Variants in IL23R observed in about 807,000 individuals in gnomAD.
IL23R encodes interleukin-23 receptor.
Under a neutral mutation model 56.9 loss-of-function variants are expected in IL23R, and 34 were observed. The ratio of observed to expected loss-of-function variants is 0.60; its 90% CI spans 0.45 to 0.80. IL23R has a LOEUF of 0.80. IL23R is among the 30% of genes least tolerant of loss of function. The pLI is 0.00. For missense variants in IL23R, 635 were observed against 730.0 expected (o/e 0.87, Z 1.50); for synonymous variants, 230 against 249.2 (o/e 0.92, Z 0.73).
At chr1:67,190,442 A>AC (rs1647657493) in intron 4 of IL23R, among the ~76,000 whole-genome samples, 3 of 97,144 alleles carry the variant, frequency 3.1e-5, no homozygotes, top group African/African-American at 4.4e-5. Flanking sequence ...GAAAAAAAAA[A>AC]ACCAAAAAAA....
At chr1:67,222,102 C>CTTTCTTTT (rs1440089182) in intron 7 of IL23R, among the ~76,000 whole-genome samples, 1 of 58,890 alleles carries the variant, frequency 1.7e-5, no homozygotes, top group African/African-American at 6.3e-5. Context: ...TTCTTTCTTT[C>CTTTCTTTT]TTTTTTTTTT....
chr1:67,201,407 TAA>T (rs58091786), intron 5 of IL23R, among the ~76,000 whole-genome samples: 23 of 132,502 alleles, frequency 1.7e-4, no homozygotes, highest in Non-Finnish European at 2.1e-4. Context: ...AACTCTTGTC[TAA>T]AAAAAAAAAA....
At chr1:67,217,710 G>A (rs922007743) in intron 6 of IL23R, among the ~76,000 whole-genome samples, 1 of 146,460 alleles carries the variant, frequency 6.8e-6, no homozygotes, top group Non-Finnish European at 1.5e-5. Flanking sequence ...TTCATGCAGA[G>A]TTTGAAAAAT....
Position 67,236,746 on chromosome 1 carries a change from A to G in IL23R, c.989A>G (p.Asp330Gly), listed in dbSNP as rs765691329. ...GTCACATCAAAAGCATTCCAACATG[A>G]CACATGGAATTCTGGGCTAACAGTT... ...PQVTSKAFQH[D>G]TWNSGLTVAS... is the part of the protein sequence containing the mutation. Residue 330 changes from aspartate to glycine, a missense_variant, in exon 8 of 11, where the codon GAC becomes GGC. By Grantham distance (94) the Asp-to-Gly change is moderately conservative. Transcript: ENST00000347310. 6 of 1,613,634 alleles carry G rather than the reference A, an allele frequency of 3.7e-6. No individual in the cohort carries two copies. Among genetic ancestry groups the G allele is most frequent in the Non-Finnish European group, 5.1e-6 (6 of 1,179,540 alleles).
chr1:67,157,189 C>T (rs970810858), intron 1 of IL23R, among the ~76,000 whole-genome samples: 3 of 152,170 alleles, frequency 2.0e-5, no homozygotes, highest in African/African-American at 4.8e-5. Context: ...AGAAATCACC[C>T]GCCTTCTGCA....
chr1:67,245,933 C>T (rs959931236), intron 9 of IL23R, among the ~76,000 whole-genome samples: 1 of 152,158 alleles, frequency 6.6e-6, no homozygotes, highest in African/African-American at 2.4e-5. Flanking sequence ...GTGAATCCGT[C>T]TGGTCCTGGA....
At chr1:67,175,125 T>G (rs1646991093) in intron 3 of IL23R, among the ~76,000 whole-genome samples, 1 of 147,396 alleles carries the variant, frequency 6.8e-6, no homozygotes. Context: ...GGGGTGGGGG[T>G]GAGATTGGAG....
At position 67,169,437 on chromosome 1, in the gene IL23R, A is replaced by G. The variant is rs767092630; in HGVS notation, c.166A>G (p.Ile56Val). Residue 56 changes from isoleucine (I) to valine (V), a missense_variant, in exon 3 of 11, where the codon ATT becomes GTT. Coordinates refer to ENST00000347310, the MANE Select transcript of IL23R (RefSeq NM_144701.3). ...TATCTCTATATATTGCCAAGCAGCA[A>G]TTAAGAACTGCCAACCAAGGAAACT... is the stretch of plus-strand genomic sequence containing the variant. The part of the protein sequence containing the change: ...MNISIYCQAA[I>V]KNCQPRKLHF... 3.1e-6 allele frequency: 5 copies of G among 1,613,698 alleles called. No individual in the cohort carries two copies. The highest frequency in any genetic ancestry group is 1.6e-4 in the Middle Eastern group (1 of 6,078).
At chr1:67,156,900 G>A (rs1032324749) in intron 1 of IL23R, among the ~76,000 whole-genome samples, 6 of 152,210 alleles carry the variant, frequency 3.9e-5, no homozygotes, top group East Asian at 1.9e-4. Flanking sequence ...TCAAACAGCC[G>A]CCAAGTTTTG....
In IL23R at chr1:67,258,570, A is replaced by G. The variant is rs752352697; in HGVS notation, c.1332A>G (p.Glu444=). The change falls in exon 11 of 11, where the codon GAA becomes GAG. Residue 444 remains glutamate, a synonymous_variant. Coordinates refer to ENST00000347310, the MANE Select transcript of IL23R (RefSeq NM_144701.3). ...AGATAAAAGAAATCTTCATCCCAGA[A>G]CACAAGCCTACAGACTACAAGAAGG... is the stretch of plus-strand genomic sequence containing the variant. ...ITEIKEIFIP[E]HKPTDYKKEN... 8 of 1,612,320 alleles carry G rather than the reference A, an allele frequency of 5.0e-6. No individual in the cohort carries two copies. The highest frequency in any genetic ancestry group is 6.8e-6 in the Non-Finnish European group (8 of 1,179,426).
At chr1:67,156,683 G>A (rs1203637279) in intron 1 of IL23R, among the ~76,000 whole-genome samples, 1 of 152,146 alleles carries the variant, frequency 6.6e-6, no homozygotes, top group East Asian at 1.9e-4. Flanking sequence ...TCATCCCAAA[G>A]CAGACTCCAG....
At position 67,200,724 on chromosome 1, in the gene IL23R, TTTTTG is replaced by T. The variant is rs1558240203; in HGVS notation, c.492-8_492-4del. On this transcript the variant is annotated splice_region_variant and splice_polypyrimidine_tract_variant and intron_variant, in intron 4 of 10. Transcript: ENST00000347310. ...AAATACAATTTATGATCATCTTTTT[TTTTTG>T]TTTTAAGTTTAGAGACAGAAGAAGA... 7 of 1,611,714 alleles carry T rather than the reference TTTTTG, an allele frequency of 4.3e-6. No individual in the cohort carries two copies. Among genetic ancestry groups the T allele is most frequent in the Middle Eastern group, 1.7e-4 (1 of 6,052 alleles).
chr1:67,222,608 C>T (rs1650368995), intron 7 of IL23R, among the ~76,000 whole-genome samples: 1 of 151,956 alleles, frequency 6.6e-6, no homozygotes, highest in African/African-American at 2.4e-5. Flanking sequence ...TGATAACTAC[C>T]ATTTATCATT....
At chr1:67,238,835 G>A (rs565580561) in intron 8 of IL23R, among the ~76,000 whole-genome samples, 50 of 152,230 alleles carry the variant, frequency 3.3e-4, no homozygotes, top group African/African-American at 8.2e-4. Flanking sequence ...TTAGCCCTGG[G>A]AAAACATTAA....
chr1:67,192,003 T>G (rs1647786165), intron 4 of IL23R, among the ~76,000 whole-genome samples: 2 of 152,190 alleles, frequency 1.3e-5, no homozygotes, highest in African/African-American at 4.8e-5. Flanking sequence ...ATCTTCAAAT[T>G]TGTTGGGTTT....
At chr1:67,181,033 C>T (rs1570798921) in intron 3 of IL23R, among the ~76,000 whole-genome samples, 1 of 152,208 alleles carries the variant, frequency 6.6e-6, no homozygotes, top group African/African-American at 2.4e-5. Context: ...CCCGACCTTT[C>T]TCTCTGGCTG....
intron 4 of IL23R, among the ~76,000 whole-genome samples, chr1:67,188,780 A>G (rs893968300): frequency 1.3e-5 from 2 of 152,256 alleles, no homozygotes; most frequent in African/African-American, 4.8e-5. Flanking sequence ...GGGGCCAGGC[A>G]GCTCCCTTCA....
intron 6 of IL23R, 86 bp downstream of exon 6, chr1:67,207,141 T>A (rs756922161): frequency 1.3e-5 from 17 of 1,324,130 alleles, no homozygotes; most frequent in Middle Eastern, 1.8e-4. Context: ...TTATTATGTC[T>A]ATTTTACATG....
intron 1 of IL23R, among the ~76,000 whole-genome samples, chr1:67,161,018 A>G (rs1181923345): frequency 6.6e-6 from 1 of 152,218 alleles, no homozygotes; most frequent in African/African-American, 2.4e-5. Flanking sequence ...CCATCCAAAC[A>G]ATAATACTAA....
Sources: allele counts gnomAD v4.1 joint callset (sites outside exome capture counted in the v4.1 genomes callset), GRCh38; gene constraint gnomAD v4.1.1; transcripts MANE v1.5; gene names NCBI Gene and HGNC (gene_info 2026-07-23, HGNC 2026-07-21).